ZNF451: variants seen among roughly 807,000 people sequenced by gnomAD.
ZNF451 encodes the protein zinc finger protein 451, also known as E3 SUMO-protein ligase ZNF451.
ZNF451 carries 80 observed loss-of-function variants against 107.1 expected under a neutral mutation model. The observed-to-expected ratio is 0.75, with a 90% CI of 0.62 to 0.90. The LOEUF (loss-of-function observed/expected upper bound fraction) is 0.90, where lower values mean the gene tolerates loss of function less well. Among genes scored for constraint, ZNF451 ranks in the 40% least tolerant of loss-of-function variants. ZNF451 has a pLI of 0.00. For synonymous variants in ZNF451, 362 were observed against 406.5 expected, an observed-to-expected ratio of 0.89 and a Z score of 1.32; for missense variants, 1,107 against 1,236.2, an observed-to-expected ratio of 0.90 and a Z score of 1.57.
chr6:57,153,866 C>T lies in ZNF451; in HGVS notation c.2889C>T (p.Gly963=), dbSNP rs372238876. The T allele has an allele frequency of 5.0e-6, 8 of 1,613,868 alleles. No individual in the cohort carries two copies. The highest frequency in any genetic ancestry group is 6.8e-6 in the Non-Finnish European group (8 of 1,180,014). The change falls in exon 13 of 15, where the codon GGC becomes GGT. Residue 963 remains glycine (G), a synonymous_variant. Coordinates refer to ENST00000370706, the MANE Select transcript of ZNF451 (RefSeq NM_001031623.3). ...AADFAICMHA[G]RLDEQLPKQI... ...TGCCATTTGTTCTAACTTAGGCTGG[C>T]CGTCTAGATGAACAACTACCCAAGC...
At chr6:57,125,928 C>G (rs911175650) in intron 4 of ZNF451, among the ~76,000 whole-genome samples, 7 of 152,060 alleles carry the variant, frequency 4.6e-5, no homozygotes, top group African/African-American at 1.7e-4. Flanking sequence ...TCCCCACCCC[C>G]CTAGAACTAT....
intron 3 of ZNF451, chr6:57,108,917 C>T: frequency 1.0e-6 from 1 of 985,404 alleles, no homozygotes; most frequent in Non-Finnish European, 1.2e-6. Context: ...TAAATATGGA[C>T]TTTTTCCAGT....
chr6:57,114,538 G>A (rs1454269412), intron 3 of ZNF451, among the ~76,000 whole-genome samples: 2 of 152,046 alleles, frequency 1.3e-5, no homozygotes, highest in African/African-American at 4.8e-5. Context: ...TGATTAATAT[G>A]TTTCTGTTGA....
chr6:57,147,804 A>G lies in ZNF451; in HGVS notation c.1719A>G (p.Ser573=). 5.0e-6 allele frequency: 8 copies of G among 1,614,084 alleles called. No individual in the cohort carries two copies. Among genetic ancestry groups the G allele is most frequent in the Non-Finnish European group, 6.8e-6 (8 of 1,179,994 alleles). ...AGGTAGAAGGTGAAACTTTGCCATC[A>G]TCCTCTACAACATTGGATAATTTGA... ...MDEVEGETLP[S]SSTTLDNLTA... The change falls in exon 10 of 15, where the codon TCA becomes TCG. Residue 573 remains serine, a synonymous_variant. Coordinates refer to ENST00000370706, the MANE Select transcript of ZNF451 (RefSeq NM_001031623.3).
chr6:57,098,725 T>A (rs1312139327), intron 2 of ZNF451, among the ~76,000 whole-genome samples: 1 of 152,220 alleles, frequency 6.6e-6, no homozygotes. Context: ...ATTAACAGAC[T>A]TTTGATACCA....
chr6:57,090,478 C>T (rs1464216524), intron 1 of ZNF451, among the ~76,000 whole-genome samples: 1 of 130,052 alleles, frequency 7.7e-6, no homozygotes, highest in Admixed American at 7.8e-5. Flanking sequence ...CCGCACGGGC[C>T]CTGGCGTTCG....
intron 7 of ZNF451, among the ~76,000 whole-genome samples, chr6:57,138,334 C>T (rs1831541016): frequency 6.6e-6 from 1 of 151,440 alleles, no homozygotes; most frequent in Non-Finnish European, 1.5e-5. Context: ...GCAGTTTCGG[C>T]TCACTGCAAC....
chr6:57,119,418 G>A lies in ZNF451; in HGVS notation c.187-5316G>A, dbSNP rs1466535607. Among the ~76,000 whole-genome samples, 6 of 152,084 alleles carry A rather than the reference G, an allele frequency of 3.9e-5. No homozygotes were observed. In the South Asian group the frequency reaches 6.2e-4, roughly 16 times the overall value. On this transcript the variant is annotated intron_variant, in intron 3 of 14. Coordinates refer to ENST00000370706, the MANE Select transcript of ZNF451 (RefSeq NM_001031623.3). The stretch of plus-strand genomic sequence containing the variant: ...CACGCGCCTGCAATCTCAGCTACTC[G>A]GGGGCTGAGGCAGGAGAATCATTTG...
At chr6:57,131,468 A>T (rs552989846) in intron 5 of ZNF451, among the ~76,000 whole-genome samples, 98 of 152,304 alleles carry the variant, frequency 6.4e-4, no homozygotes, top group African/African-American at 2.1e-3. Context: ...GTGGACAATT[A>T]TAACAGTTTT....
chr6:57,106,856 T>G (rs1401616178), intron 3 of ZNF451: 2 of 976,504 alleles, frequency 2.0e-6, no homozygotes, highest in African/African-American at 3.5e-5. Context: ...TAAGTGGAAG[T>G]TATCAGTAAA....
chr6:57,107,366 T>C, intron 3 of ZNF451: 1 of 984,504 alleles, frequency 1.0e-6, no homozygotes, highest in Non-Finnish European at 1.2e-6. Flanking sequence ...AAAGCATTAT[T>C]AGAAGAGATA....
At chr6:57,124,897 A>T (rs1373096847) in intron 4 of ZNF451, 38 bp downstream of exon 4, 1 of 1,296,892 alleles carries the variant, frequency 7.7e-7, no homozygotes, top group Non-Finnish European at 1.0e-6. Context: ...TATAATTAAA[A>T]AATTATTTAT....
chr6:57,147,285 CTA>C lies in ZNF451; in HGVS notation c.1202_1203del (p.Tyr401LeufsTer13). ...ACTCAGTGGAAGAATCAGTCTTACTCTATTGCCACAGCAGCGAAGGGAACAAG... is the reference window on the plus strand; with the variant it reads ...ACTCAGTGGAAGAATCAGTCTTACTCTTGCCACAGCAGCGAAGGGAACAAG... ...INSVEESVLLYCHSSEGNKDP... is the reference protein window; with the variant it reads ...INSVEESVLLXCHSSEGNKDP... On this transcript the variant is annotated frameshift_variant, in exon 10 of 15. Transcript: ENST00000370706. LOFTEE classifies it high-confidence loss of function. The C allele has an allele frequency of 6.2e-7, 1 of 1,614,128 alleles. No individual in the cohort carries two copies. The highest frequency in any genetic ancestry group is 8.5e-7 in the Non-Finnish European group (1 of 1,179,984).
chr6:57,139,956 T>C (rs1831671554), intron 7 of ZNF451, among the ~76,000 whole-genome samples: 1 of 152,106 alleles, frequency 6.6e-6, no homozygotes, highest in Admixed American at 6.6e-5. Flanking sequence ...GATAGGAGGA[T>C]TGCTTGAGCC....
rs1287807012 is a variant in ZNF451 at position 57,148,257 on chromosome 6, C to T, written c.2172C>T (p.Cys724=). 6 of 1,613,846 alleles carry T rather than the reference C, an allele frequency of 3.7e-6. No homozygotes were observed. The highest frequency in any genetic ancestry group is 5.1e-6 in the Non-Finnish European group (6 of 1,179,896). The change falls in exon 10 of 15, where the codon TGC becomes TGT. Residue 724 remains cysteine (C), a synonymous_variant. Transcript: ENST00000370706. ...CCAGTAACCAGTTAACTTGTGGTTGCCGTGAGAGTTACATCTGTAAAGTCA... is the reference window on the plus strand; with the variant it reads ...CCAGTAACCAGTTAACTTGTGGTTGTCGTGAGAGTTACATCTGTAAAGTCA... ...IETSNQLTCG[C]RESYICKVNR...
At chr6:57,152,145 G>T (rs1485383002) in intron 11 of ZNF451, 76 bp from the exon 12 acceptor site, 2 of 1,480,504 alleles carry the variant, frequency 1.4e-6, no homozygotes, top group South Asian at 1.4e-5. Flanking sequence ...TTTCTAGTAT[G>T]TGTTTTTTCT....
chr6:57,158,535 G>A (rs1763533215), intron 13 of ZNF451: 1 of 985,336 alleles, frequency 1.0e-6, no homozygotes, highest in Non-Finnish European at 1.2e-6. Context: ...TCGAGATGTT[G>A]GCACTAGAAC....
At chr6:57,163,254 C>T (rs535163187) in intron 14 of ZNF451, among the ~76,000 whole-genome samples, 19 of 151,982 alleles carry the variant, frequency 1.3e-4, no homozygotes, top group African/African-American at 4.1e-4. Context: ...ACACAGCCAA[C>T]CACTCTCTAT....
At chr6:57,100,698 C>T (rs1275358556) in intron 3 of ZNF451, 3 of 1,550,506 alleles carry the variant, frequency 1.9e-6, no homozygotes, top group Non-Finnish European at 8.7e-7. Context: ...ATAGCAGCTC[C>T]TTCTCTGGGA....
Sources: gnomAD v4.1 joint callset for allele counts (sites outside exome capture counted in the v4.1 genomes callset) on GRCh38, gnomAD v4.1.1 for gene constraint, MANE v1.5 for transcripts, NCBI Gene and HGNC (gene_info 2026-07-23, HGNC 2026-07-21) for gene names.